The following SPMIP2 variants were observed in gnomAD, a reference collection of about 807,000 sequenced individuals.
The protein encoded by SPMIP2 is sperm microtubule inner protein 2.
the SPMIP2 span, among the ~76,000 whole-genome samples, chr4:158,901,582 T>A: frequency 6.6e-6 from 1 of 152,132 alleles, no homozygotes; most frequent in Non-Finnish European, 1.5e-5. Flanking sequence ...CTGAAGTGTG[T>A]TTTCCAACTT....
At chr4:158,906,765 TTTTC>T in the SPMIP2 span, 1 of 152,014 alleles carries the variant, frequency 6.6e-6, no homozygotes, top group South Asian at 2.1e-4. Context: ...AACATTCAAG[TTTTC>T]TTTGTCTTAA....
At chr4:159,005,632 A>G in the SPMIP2 span, among the ~76,000 whole-genome samples, 1 of 152,224 alleles carries the variant, frequency 6.6e-6, no homozygotes, top group African/African-American at 2.4e-5. Flanking sequence ...AAAAGTACAC[A>G]CCCAGAGTTC....
At chr4:158,919,026 A>C in the SPMIP2 span, among the ~76,000 whole-genome samples, 1,344 of 152,338 alleles carry the variant, frequency 8.8e-3, 16 homozygotes, top group African/African-American at 0.03. Flanking sequence ...CCTGAAGCTT[A>C]TAGAAAAGTT....
At chr4:158,925,596 C>T in the SPMIP2 span, among the ~76,000 whole-genome samples, 1 of 152,164 alleles carries the variant, frequency 6.6e-6, no homozygotes, top group East Asian at 1.9e-4. Context: ...AAGCACACAA[C>T]CTAGATCCCT....
chr4:159,006,201 A>T, the SPMIP2 span, among the ~76,000 whole-genome samples: 6 of 152,274 alleles, frequency 3.9e-5, no homozygotes, highest in Admixed American at 1.3e-4. Flanking sequence ...GTGGATAATT[A>T]TAACTGTGGC....
the SPMIP2 span, among the ~76,000 whole-genome samples, chr4:158,963,088 T>A: frequency 1.3e-5 from 2 of 152,176 alleles, no homozygotes; most frequent in African/African-American, 2.4e-5. Context: ...AGTATCTAAA[T>A]AATGAGCAAC....
At chr4:159,010,800 A>C in the SPMIP2 span, among the ~76,000 whole-genome samples, 2 of 151,818 alleles carry the variant, frequency 1.3e-5, no homozygotes, top group African/African-American at 4.8e-5. Flanking sequence ...CTCCACACCA[A>C]CCTATTGCAT....
the SPMIP2 span, among the ~76,000 whole-genome samples, chr4:159,000,788 G>GACAA: frequency 6.6e-6 from 1 of 150,408 alleles, no homozygotes; most frequent in Non-Finnish European, 1.5e-5. Flanking sequence ...TGCCTGGCTT[G>GACAA]TCTGGCTCCC....
chr4:158,955,096 CTTTAA>C, the SPMIP2 span, among the ~76,000 whole-genome samples: 2 of 152,212 alleles, frequency 1.3e-5, no homozygotes, highest in East Asian at 3.9e-4. Flanking sequence ...AGTACATTTC[CTTTAA>C]TTTATACATT....
chr4:159,007,141 C>A, the SPMIP2 span: 17 of 711,914 alleles, frequency 2.4e-5, no homozygotes, highest in Non-Finnish European at 4.0e-5. Context: ...GTGTGGGGTG[C>A]GCCTGAGACG....
chr4:158,915,673 C>T, the SPMIP2 span, among the ~76,000 whole-genome samples: 260 of 152,316 alleles, frequency 1.7e-3, no homozygotes, highest in African/African-American at 5.8e-3. Context: ...TATGCTAACA[C>T]TGAGGCTTCA....
the SPMIP2 span, among the ~76,000 whole-genome samples, chr4:158,959,997 C>A: frequency 6.6e-6 from 1 of 151,916 alleles, no homozygotes; most frequent in African/African-American, 2.4e-5. Flanking sequence ...TCTACTAATC[C>A]AGTTGCCATT....
chr4:158,921,476 A>T, the SPMIP2 span, among the ~76,000 whole-genome samples: 1 of 151,958 alleles, frequency 6.6e-6, no homozygotes, highest in Non-Finnish European at 1.5e-5. Flanking sequence ...GAAAAAGAAA[A>T]AAAGAAAGTG....
the SPMIP2 span, among the ~76,000 whole-genome samples, chr4:159,034,321 T>A: frequency 3.9e-5 from 6 of 152,224 alleles, no homozygotes; most frequent in African/African-American, 1.4e-4. Flanking sequence ...GTTTAATGCA[T>A]ATCCTGCTCA....
chr4:158,942,462 T>C, the SPMIP2 span, among the ~76,000 whole-genome samples: 1 of 152,222 alleles, frequency 6.6e-6, no homozygotes, highest in African/African-American at 2.4e-5. Flanking sequence ...CATCGAGCAT[T>C]GTATCAGCAC....
At chr4:159,033,527 T>C in the SPMIP2 span, among the ~76,000 whole-genome samples, 1 of 152,212 alleles carries the variant, frequency 6.6e-6, no homozygotes, top group Non-Finnish European at 1.5e-5. Flanking sequence ...CTAACTGTAT[T>C]ACAAGTGCAT....
At chr4:159,069,896 C>T in the SPMIP2 span, among the ~76,000 whole-genome samples, 2 of 152,018 alleles carry the variant, frequency 1.3e-5, no homozygotes, top group South Asian at 2.1e-4. Flanking sequence ...ACCTGTCTCT[C>T]GAAGTCTACT....
the SPMIP2 span, among the ~76,000 whole-genome samples, chr4:158,997,249 A>T: frequency 0.33 from 41,930 of 127,512 alleles, 6,263 homozygotes; most frequent in South Asian, 0.46. Flanking sequence ...TTTTTTTTTG[A>T]GATGAAGCTT....
At chr4:159,078,230 G>A in the SPMIP2 span, among the ~76,000 whole-genome samples, 1 of 152,180 alleles carries the variant, frequency 6.6e-6, no homozygotes, top group African/African-American at 2.4e-5. Flanking sequence ...TTCCTGTGCA[G>A]TCATGAGCAC....
Sources: allele counts gnomAD v4.1 joint callset (sites outside exome capture counted in the v4.1 genomes callset), GRCh38; gene constraint gnomAD v4.1.1; transcripts MANE v1.5; gene names NCBI Gene and HGNC (gene_info 2026-07-23, HGNC 2026-07-21).